The following HERC2 variants were observed in gnomAD, a reference collection of about 807,000 sequenced individuals.
HERC2 encodes the protein E3 ubiquitin-protein ligase HERC2.
HERC2 carries 102 observed loss-of-function variants against 537.7 expected under a neutral mutation model. The observed-to-expected ratio is 0.19, with a 90% CI of 0.16 to 0.22. HERC2 has a LOEUF of 0.22. Ranked by LOEUF, HERC2 falls within the 10% of genes least tolerant of loss-of-function variation. The pLI, the probability that HERC2 is intolerant of heterozygous loss-of-function variation, is 1.00. For synonymous variants in HERC2, 2,224 were observed against 2,466.2 expected (o/e 0.90, Z 2.91); for missense variants, 4,236 against 6,198.2 (o/e 0.68, Z 10.63).
chr15:28,141,988 CAAT>C (rs768392373), intron 76 of HERC2, 142 bp from the exon 77 acceptor site: 56 of 750,344 alleles, frequency 7.5e-5, no homozygotes, highest in Non-Finnish European at 1.2e-4. Flanking sequence ...TGGGCAAAAC[CAAT>C]AATGACTGCA....
At chr15:28,148,450 C>G (rs1338580830) in intron 70 of HERC2, among the ~76,000 whole-genome samples, 1 of 152,122 alleles carries the variant, frequency 6.6e-6, no homozygotes, top group Admixed American at 6.5e-5. Context: ...TACCAAGTGT[C>G]CCCAGAAAAG....
chr15:28,159,142 C>T (rs1229351019), intron 69 of HERC2, among the ~76,000 whole-genome samples: 9 of 151,598 alleles, frequency 5.9e-5, no homozygotes, highest in African/African-American at 1.5e-4. Flanking sequence ...GTGGGTAACC[C>T]GACCTTTCTC....
rs770688775 is a variant in HERC2 at position 28,141,831 on chromosome 15, G to A, written c.11716C>T (p.Arg3906Cys). 2.6e-5 allele frequency: 42 copies of A among 1,613,408 alleles called. No homozygotes were observed. Among genetic ancestry groups the A allele is most frequent in the Admixed American group, 2.0e-4 (12 of 59,964 alleles). The change falls in exon 77 of 93, where the codon CGT becomes TGT. Residue 3906 changes from arginine to cysteine, a missense_variant. Transcript: ENST00000261609. ...TTTTCGCTGTCTGCCATTAATTCACGAATTTTCTTAGCCACCTAAACAAAA... is the reference window on the plus strand; with the variant it reads ...TTTTCGCTGTCTGCCATTAATTCACAAATTTTCTTAGCCACCTAAACAAAA... ...LFLDEVAKKI[R>C]ELMADSENMD...
At position 28,145,982 on chromosome 15, in the gene HERC2, C is replaced by T. The variant is rs1891690886; in HGVS notation, c.11008+255G>A. 2.6e-5 allele frequency among the ~76,000 whole-genome samples: 4 copies of T among 152,202 alleles called. 1 individual carries two copies. The South Asian group carries it at 6.2e-4, about 24-fold the overall frequency. ...TCTGGCACCTCACACGTCTCCAGCACCTTCTGCAACTGTCTGATGAGGCAG... is the reference window on the plus strand; with the variant it reads ...TCTGGCACCTCACACGTCTCCAGCATCTTCTGCAACTGTCTGATGAGGCAG... On this transcript the variant is annotated intron_variant, in intron 71 of 92. Transcript: ENST00000261609.
intron 27 of HERC2, 65 bp from the exon 28 acceptor site, chr15:28,233,861 T>C (rs573057091): frequency 2.6e-6 from 4 of 1,525,270 alleles, no homozygotes; most frequent in East Asian, 2.3e-5. Context: ...ATCTTAAACA[T>C]GCCACAGCTT....
intron 57 of HERC2, among the ~76,000 whole-genome samples, chr15:28,179,741 T>C (rs779517269): frequency 2.6e-5 from 4 of 152,364 alleles, no homozygotes; most frequent in Non-Finnish European, 5.9e-5. Flanking sequence ...AGCAACACTA[T>C]GATCCTAGCT....
Position 28,232,675 on chromosome 15 carries a change from G to T in HERC2, c.4675+471C>A, listed in dbSNP as rs1230360773. Among the ~76,000 whole-genome samples the T allele has an allele frequency of 3.3e-5, 5 of 151,950 alleles. No homozygotes were observed. The East Asian group carries it at 9.6e-4, about 29-fold the overall frequency. ...TTCAAATTTGGATTTAATGCAAAAA[G>T]ACTTTTCTGTACCTTTACACAGCTA... On this transcript the variant is annotated intron_variant, in intron 30 of 92. Transcript: ENST00000261609.
chr15:28,152,809 G>A lies in HERC2; in HGVS notation c.10768C>T (p.Leu3590Phe). ...ACATCCTCCAACTCGGTGACACAGAGCTCCAACAGCATATCTGCCACCTGG... is the reference window on the plus strand; with the variant it reads ...ACATCCTCCAACTCGGTGACACAGAACTCCAACAGCATATCTGCCACCTGG... Reference protein sequence around the residue: ...YPQVADMLLELCVTELEDVAT... With the variant: ...YPQVADMLLEFCVTELEDVAT... The change falls in exon 70 of 93, where the codon CTC becomes TTC. Residue 3590 changes from leucine (L) to phenylalanine (F), a missense_variant. Physicochemically the swap from Leu to Phe is conservative, Grantham distance 22. Coordinates refer to ENST00000261609, the MANE Select transcript of HERC2 (RefSeq NM_004667.6). 1.3e-6 allele frequency: 2 copies of A among 1,560,622 alleles called. No individual in the cohort carries two copies. Among genetic ancestry groups the A allele is most frequent in the Non-Finnish European group, 1.7e-6 (2 of 1,151,636 alleles).
chr15:28,192,024 G>A lies in HERC2; in HGVS notation c.8388C>T (p.Asn2796=). The change falls in exon 53 of 93, where the codon AAC becomes AAT. Residue 2796 remains asparagine (N), a synonymous_variant. Transcript: ENST00000261609. ...TGCCGTCAATGAGACGGGATGCCTG[G>A]TTCACGGAGGACGACACATTCAGGC... The part of the protein sequence containing the change: ...VKSLNVSSSV[N]QASRLIDGSE... The A allele has an allele frequency of 6.2e-7, 1 of 1,614,032 alleles. No individual in the cohort carries two copies. The highest frequency in any genetic ancestry group is 8.5e-7 in the Non-Finnish European group (1 of 1,180,032).
chr15:28,207,978 G>C (rs1360137871), intron 44 of HERC2, among the ~76,000 whole-genome samples: 6 of 152,082 alleles, frequency 3.9e-5, no homozygotes, highest in Non-Finnish European at 8.8e-5. Context: ...GTCCCTGCTC[G>C]GCCCAAAGCA....
chr15:28,140,757 G>A (rs1164933009), intron 78 of HERC2, among the ~76,000 whole-genome samples: 1 of 151,226 alleles, frequency 6.6e-6, no homozygotes, highest in Non-Finnish European at 1.5e-5. Flanking sequence ...CCTGACATCA[G>A]GTGATCCACC....
intron 56 of HERC2, among the ~76,000 whole-genome samples, chr15:28,184,212 T>TAC (rs1389917592): frequency 3.9e-5 from 6 of 152,090 alleles, no homozygotes; most frequent in Non-Finnish European, 8.8e-5. Context: ...ATATTTTCCA[T>TAC]ACACACATAT....
At chr15:28,187,883 C>T (rs1340100503) in intron 55 of HERC2, among the ~76,000 whole-genome samples, 1 of 152,182 alleles carries the variant, frequency 6.6e-6, no homozygotes, top group African/African-American at 2.4e-5. Context: ...CGACTGCATG[C>T]CTGCTGTGGT....
Position 28,228,488 on chromosome 15 carries a change from C to T in HERC2, c.5273-79G>A, listed in dbSNP as rs1418111799. 5 of 1,293,060 alleles carry T rather than the reference C, an allele frequency of 3.9e-6. No individual in the cohort carries two copies. In the African/African-American group the frequency reaches 5.8e-5, roughly 15 times the overall value. The allele number at this position is 1,293,060 out of a possible 1,614,324, so 80.1% of individuals were successfully genotyped here. ...GTAACGCAGAAAGCACGGGCGATTACTCTAAACATCTGACTATTTTGAAAC... is the reference window on the plus strand; with the variant it reads ...GTAACGCAGAAAGCACGGGCGATTATTCTAAACATCTGACTATTTTGAAAC... On this transcript the variant is annotated intron_variant, in intron 34 of 92. Coordinates refer to ENST00000261609, the MANE Select transcript of HERC2 (RefSeq NM_004667.6).
chr15:28,209,461 AG>A (rs1396008805), intron 44 of HERC2, among the ~76,000 whole-genome samples: 2 of 151,932 alleles, frequency 1.3e-5, no homozygotes, highest in Non-Finnish European at 2.9e-5. Flanking sequence ...CTCCTGCCTC[AG>A]CCTCCCAAGT....
intron 86 of HERC2, chr15:28,117,626 C>T: frequency 2.3e-6 from 1 of 443,044 alleles, no homozygotes; most frequent in African/African-American, 2.0e-5. Flanking sequence ...CAACCCAATG[C>T]CCCTGAGACT....
chr15:28,257,868 T>G (rs1485607980), intron 16 of HERC2, among the ~76,000 whole-genome samples: 3 of 151,624 alleles, frequency 2.0e-5, no homozygotes, highest in Admixed American at 2.0e-4. Context: ...GTATTTTCAG[T>G]AGAGACAGGG....
chr15:28,266,638 A>T (rs1023187192), intron 12 of HERC2, among the ~76,000 whole-genome samples: 1 of 152,220 alleles, frequency 6.6e-6, no homozygotes, highest in African/African-American at 2.4e-5. Context: ...GGATCTCAAG[A>T]CATCTGCTAA....
intron 70 of HERC2, 57 bp downstream of exon 70, chr15:28,152,620 C>A: frequency 7.2e-7 from 1 of 1,396,902 alleles, no homozygotes; most frequent in Non-Finnish European, 9.6e-7. Context: ...ATTACAGAAT[C>A]ACATCATTCT....
Sources: gnomAD v4.1 joint callset for allele counts (sites outside exome capture counted in the v4.1 genomes callset) on GRCh38, gnomAD v4.1.1 for gene constraint, MANE v1.5 for transcripts, NCBI Gene and HGNC (gene_info 2026-07-23, HGNC 2026-07-21) for gene names.